Variants in GRAMD1B observed in about 807,000 individuals in gnomAD.
GRAMD1B encodes GRAM domain containing 1B.
A neutral mutation model predicts 99.7 loss-of-function variants in GRAMD1B; 37 were observed. That is an observed-to-expected ratio of 0.37 (90% CI 0.29 to 0.49). The LOEUF is 0.49. Ranked by LOEUF, GRAMD1B falls within the 20% of genes least tolerant of loss-of-function variation. GRAMD1B has a pLI of 0.98. For synonymous variants in GRAMD1B, 427 were observed against 387.6 expected (o/e 1.10, Z -1.19); for missense variants, 888 against 1,009.2 (o/e 0.88, Z 1.63).
At chr11:123,582,040 G>A (rs184446251) in intron 3 of GRAMD1B, among the ~76,000 whole-genome samples, 75 of 152,348 alleles carry the variant, frequency 4.9e-4, no homozygotes, top group African/African-American at 1.5e-3. Flanking sequence ...TGGGAGCTTG[G>A]GAGATGGTTT....
chr11:123,384,746 C>T (rs1028915026), intron 1 of GRAMD1B, among the ~76,000 whole-genome samples: 4 of 152,138 alleles, frequency 2.6e-5, no homozygotes, highest in Non-Finnish European at 4.4e-5. Flanking sequence ...CTATATCCTC[C>T]CCACATAGAC....
At chr11:123,485,715 C>CTTTT (rs373956363) in intron 2 of GRAMD1B, among the ~76,000 whole-genome samples, 8 of 132,470 alleles carry the variant, frequency 6.0e-5, no homozygotes, top group Non-Finnish European at 6.5e-5. Flanking sequence ...TTAATTCATT[C>CTTTT]TTTTTTTTTT....
chr11:123,525,971 T>G, intron 2 of GRAMD1B: 1 of 612,690 alleles, frequency 1.6e-6, no homozygotes. Context: ...GAAGGGGCAG[T>G]GGCAGCAGTT....
chr11:123,367,814 T>C (rs995856180), intron 1 of GRAMD1B, among the ~76,000 whole-genome samples: 1 of 151,822 alleles, frequency 6.6e-6, no homozygotes, highest in African/African-American at 2.4e-5. Context: ...CCAGATGCCA[T>C]GAAGGGGGTT....
chr11:123,566,489 G>A (rs909756707), intron 2 of GRAMD1B, among the ~76,000 whole-genome samples: 5 of 152,072 alleles, frequency 3.3e-5, no homozygotes, highest in South Asian at 2.1e-4. Context: ...CTTTTTGGCC[G>A]AGCGCGGTGG....
chr11:123,376,574 T>C (rs933196576), intron 1 of GRAMD1B, among the ~76,000 whole-genome samples: 35 of 152,200 alleles, frequency 2.3e-4, no homozygotes, highest in Admixed American at 5.2e-4. Context: ...GACTTGAGAA[T>C]TGAAATCCTG....
At chr11:123,554,351 A>G (rs1000195431) in intron 2 of GRAMD1B, among the ~76,000 whole-genome samples, 10 of 152,068 alleles carry the variant, frequency 6.6e-5, no homozygotes. Context: ...AGGGTCCCAT[A>G]AGACAGAAAC....
At chr11:123,464,956 G>A (rs567837516) in intron 1 of GRAMD1B, among the ~76,000 whole-genome samples, 6 of 152,120 alleles carry the variant, frequency 3.9e-5, no homozygotes, top group South Asian at 4.1e-4. Flanking sequence ...TGTGGGAGGC[G>A]GGAAGGGGTA....
At chr11:123,512,651 G>A (rs1197581800) in intron 2 of GRAMD1B, among the ~76,000 whole-genome samples, 1 of 149,146 alleles carries the variant, frequency 6.7e-6, no homozygotes, top group Non-Finnish European at 1.5e-5. Context: ...GACCAAGAGA[G>A]AATCTGATTG....
chr11:123,495,669 TTTC>T (rs199866348), intron 2 of GRAMD1B, among the ~76,000 whole-genome samples: 22,307 of 145,360 alleles, frequency 0.15, 1,659 homozygotes, highest in Middle Eastern at 0.23. Context: ...GAAGTTTGTC[TTTC>T]TTCTTCTTTT....
At chr11:123,596,932 C>G (rs1019503122) in intron 7 of GRAMD1B, among the ~76,000 whole-genome samples, 1 of 152,066 alleles carries the variant, frequency 6.6e-6, no homozygotes. Flanking sequence ...TCAACTCTAC[C>G]CAACTCTACC....
chr11:123,577,411 T>C lies in GRAMD1B; in HGVS notation c.497T>C (p.Ile166Thr). 1 of 1,598,704 alleles carries C rather than the reference T, an allele frequency of 6.3e-7. No homozygotes were observed. The highest frequency in any genetic ancestry group is 8.5e-7 in the Non-Finnish European group (1 of 1,173,184). The change falls in exon 3 of 20, where the codon ATC (isoleucine) becomes ACC (threonine). Residue 166 changes from isoleucine to threonine, a missense_variant. Around this residue, in one of 5 missense-constraint regions of GRAMD1B, gnomAD observed 233 missense variants for 154.6 expected, o/e 1.51. Coordinates refer to ENST00000635736, the MANE Select transcript of GRAMD1B (RefSeq NM_001387025.1). The stretch of plus-strand genomic sequence containing the variant: ...CGCAGCACGCCGGCCTGCTCGCCCA[T>C]CCTCCGGAAGCGGTCTCGCTCGCCA... ...SNRSTPACSP[I>T]LRKRSRSPTP... is the part of the protein sequence containing the mutation.
At chr11:123,551,930 A>G (rs921399203) in intron 2 of GRAMD1B, among the ~76,000 whole-genome samples, 1 of 152,128 alleles carries the variant, frequency 6.6e-6, no homozygotes, top group Non-Finnish European at 1.5e-5. Context: ...GGCTCCATAT[A>G]TGTATGCTCC....
chr11:123,369,042 C>G (rs948543339), intron 1 of GRAMD1B, among the ~76,000 whole-genome samples: 1 of 152,146 alleles, frequency 6.6e-6, no homozygotes, highest in South Asian at 2.1e-4. Flanking sequence ...TACCTGTAAT[C>G]CCAGCACTTT....
At chr11:123,418,263 C>G (rs925842825) in intron 1 of GRAMD1B, among the ~76,000 whole-genome samples, 1 of 152,094 alleles carries the variant, frequency 6.6e-6, no homozygotes, top group Non-Finnish European at 1.5e-5. Context: ...CTGGGCAGCA[C>G]GAGAACACAA....
At chr11:123,519,825 T>A (rs1215089169) in intron 2 of GRAMD1B, among the ~76,000 whole-genome samples, 1 of 151,662 alleles carries the variant, frequency 6.6e-6, no homozygotes, top group Admixed American at 6.6e-5. Flanking sequence ...GGGATTCTGG[T>A]GGTGGAAAGA....
At chr11:123,576,468 A>AT (rs1277393845) in intron 2 of GRAMD1B, among the ~76,000 whole-genome samples, 14 of 152,328 alleles carry the variant, frequency 9.2e-5, no homozygotes, top group African/African-American at 2.9e-4. Context: ...ATTCAACTGC[A>AT]TTCAGTTTCT....
intron 1 of GRAMD1B, among the ~76,000 whole-genome samples, chr11:123,372,067 G>C (rs900631337): frequency 2.6e-5 from 4 of 152,176 alleles, no homozygotes; most frequent in African/African-American, 9.7e-5. Flanking sequence ...CTGAAGCAAG[G>C]TTTTCAAATG....
chr11:123,606,499 C>A (rs1238495871), intron 10 of GRAMD1B, 110 bp from the exon 11 acceptor site: 8 of 947,782 alleles, frequency 8.4e-6, no homozygotes, highest in Non-Finnish European at 7.8e-6. Flanking sequence ...CGCTCCTGAG[C>A]AGCTGAGCTG....
Sources: allele counts gnomAD v4.1 joint callset (sites outside exome capture counted in the v4.1 genomes callset), GRCh38; gene constraint gnomAD v4.1.1; regional missense constraint gnomAD v4.1.1; transcripts MANE v1.5; gene names NCBI Gene and HGNC (gene_info 2026-07-23, HGNC 2026-07-21).